ARHGAP35: variants seen among roughly 807,000 people sequenced by gnomAD.
ARHGAP35 encodes the protein rho GTPase-activating protein 35.
Under a neutral mutation model 111.1 loss-of-function variants are expected in ARHGAP35, and 15 were observed. The observed-to-expected ratio is 0.13, with a 90% confidence interval of 0.09 to 0.21. ARHGAP35 has a LOEUF of 0.21. ARHGAP35 is among the 10% of genes least tolerant of loss of function. ARHGAP35 has a pLI of 1.00. For missense variants in ARHGAP35, 1,262 were observed against 1,873.0 expected, an observed-to-expected ratio of 0.67 and a Z score of 6.02; for synonymous variants, 643 against 710.3, an observed-to-expected ratio of 0.91 and a Z score of 1.51.
At chr19:46,973,797 C>T (rs2056565322) in intron 3 of ARHGAP35, among the ~76,000 whole-genome samples, 1 of 151,978 alleles carries the variant, frequency 6.6e-6, no homozygotes, top group Non-Finnish European at 1.5e-5. Context: ...ACCAGCCTGG[C>T]CAATATGGTG....
intron 1 of ARHGAP35, among the ~76,000 whole-genome samples, chr19:46,893,886 CTT>C (rs75930765): frequency 8.2e-5 from 10 of 122,358 alleles, no homozygotes; most frequent in African/African-American, 9.1e-5. Context: ...CGTTCTTTCT[CTT>C]TTTTTTTTTT....
chr19:46,903,558 A>C (rs954693238), intron 1 of ARHGAP35, among the ~76,000 whole-genome samples: 1 of 152,194 alleles, frequency 6.6e-6, no homozygotes, highest in Non-Finnish European at 1.5e-5. Context: ...TGGTATTCTG[A>C]ATAGCAGCCA....
chr19:46,985,895 C>T (rs1026400904), intron 3 of ARHGAP35, among the ~76,000 whole-genome samples: 1 of 66 alleles, frequency 0.015, no homozygotes, highest in Non-Finnish European at 0.031. Flanking sequence ...AGTCTGGGAC[C>T]CCCAGAAAAC....
At chr19:46,982,386 A>G (rs2122323676) in intron 3 of ARHGAP35, among the ~76,000 whole-genome samples, 1 of 152,046 alleles carries the variant, frequency 6.6e-6, no homozygotes, top group South Asian at 2.1e-4. Flanking sequence ...CTGAGCCATG[A>G]GAATCGCTTG....
At chr19:46,929,559 A>G (rs1026479025) in intron 2 of ARHGAP35, among the ~76,000 whole-genome samples, 1 of 147,430 alleles carries the variant, frequency 6.8e-6, no homozygotes, top group African/African-American at 2.5e-5. Flanking sequence ...CATGTTCCAG[A>G]CTACATTCCG....
chr19:46,886,581 A>G (rs1028177860), intron 1 of ARHGAP35, among the ~76,000 whole-genome samples: 1 of 152,164 alleles, frequency 6.6e-6, no homozygotes, highest in Non-Finnish European at 1.5e-5. Context: ...AGTTTTTATT[A>G]TCATTACAGT....
At position 46,957,686 on chromosome 19, in the gene ARHGAP35, T is replaced by C. The variant is rs147277525; in HGVS notation, c.3826+20278T>C. Among the ~76,000 whole-genome samples, 184 of 152,328 alleles carry C rather than the reference T, an allele frequency of 1.2e-3. 1 individual carries two copies. Among genetic ancestry groups the C allele is most frequent in the Middle Eastern group, 3.4e-3 (1 of 292 alleles). On this transcript the variant is annotated intron_variant, in intron 3 of 6. Coordinates refer to ENST00000672722, the MANE Select transcript of ARHGAP35 (RefSeq NM_004491.5). Reference sequence around the variant, plus strand: ...TTCCTCTAAATAGGATGAATAAATTTGTGAGATTGGGCACAGTAACTATTT... The same window carrying C: ...TTCCTCTAAATAGGATGAATAAATTCGTGAGATTGGGCACAGTAACTATTT...
rs996228483 is a variant in ARHGAP35, at chr19:46,918,975, T to A, written c.300T>A (p.Ile100=). 7 of 1,613,864 alleles carry A rather than the reference T, an allele frequency of 4.3e-6. No homozygotes were observed. Among genetic ancestry groups the A allele is most frequent in the Non-Finnish European group, 5.9e-6 (7 of 1,179,892 alleles). The part of the protein sequence containing the change: ...KMHIVEQTEF[I]DDQTFQPHRS... Reference sequence around the variant, plus strand: ...ACATTGTGGAGCAGACTGAATTTATTGATGATCAGACTTTTCAACCTCATC... The same window carrying A: ...ACATTGTGGAGCAGACTGAATTTATAGATGATCAGACTTTTCAACCTCATC... The change falls in exon 2 of 7, where the codon ATT becomes ATA. Residue 100 remains isoleucine (I), a synonymous_variant. Transcript: ENST00000672722. The surrounding 1 kb of genome is among the most constrained non-coding windows in gnomAD (Gnocchi z 5.4).
intron 1 of ARHGAP35, among the ~76,000 whole-genome samples, chr19:46,874,766 G>A (rs2055907846): frequency 6.9e-6 from 1 of 144,244 alleles, no homozygotes; most frequent in African/African-American, 2.6e-5. Flanking sequence ...GCCTCCCAAA[G>A]CGCTAGGATA....
intron 3 of ARHGAP35, among the ~76,000 whole-genome samples, chr19:46,955,431 A>G (rs1191226050): frequency 6.6e-6 from 1 of 152,208 alleles, no homozygotes; most frequent in African/African-American, 2.4e-5. Context: ...ACAGAGCCTG[A>G]GAGGAGTCGC....
At chr19:46,891,986 C>G (rs543944707) in intron 1 of ARHGAP35, among the ~76,000 whole-genome samples, 1 of 148,060 alleles carries the variant, frequency 6.8e-6, no homozygotes, top group South Asian at 2.2e-4. Context: ...ACCGAAAATA[C>G]AAAAATTAGC....
rs1440094286 is a variant in ARHGAP35 at position 47,000,930 on chromosome 19, C to T, written c.*242C>T. On this transcript the variant is annotated 3_prime_UTR_variant, in exon 7 of 7. Transcript: ENST00000672722. The surrounding 1 kb of genome is among the most constrained non-coding windows in gnomAD (Gnocchi z 6.9). ...CCATTTGAGGACTGAACTAGGCAGG[C>T]AATGGCTCCAGTGCCCTCCCTCTGT... 6 of 1,527,580 alleles carry T rather than the reference C, an allele frequency of 3.9e-6. No homozygotes were observed. The South Asian group carries it at 7.2e-5, about 18-fold the overall frequency. The allele number at this position is 1,527,580 out of a possible 1,614,324, so 94.6% of individuals were successfully genotyped here. A position where few individuals can be genotyped will look rare whatever the true frequency, so the allele number is the denominator to read the frequency against.
At chr19:46,933,180 A>G (rs1215232609) in intron 2 of ARHGAP35, among the ~76,000 whole-genome samples, 2 of 118,108 alleles carry the variant, frequency 1.7e-5, no homozygotes, top group Admixed American at 1.2e-4. Context: ...GTCTCCTGCT[A>G]TCACCCAGGC....
At chr19:46,979,776 G>GGCCA (rs2056610726) in intron 3 of ARHGAP35, among the ~76,000 whole-genome samples, 1 of 152,178 alleles carries the variant, frequency 6.6e-6, no homozygotes, top group African/African-American at 2.4e-5. Context: ...TCGTAATAGA[G>GGCCA]TGTTAGTGGC....
At chr19:46,898,118 T>C (rs2056066331) in intron 1 of ARHGAP35, among the ~76,000 whole-genome samples, 1 of 152,036 alleles carries the variant, frequency 6.6e-6, no homozygotes, top group South Asian at 2.1e-4. Flanking sequence ...GGCGCATGCC[T>C]GTAATCCCAG....
intron 1 of ARHGAP35, among the ~76,000 whole-genome samples, chr19:46,888,948 C>G (rs1048340757): frequency 1.3e-5 from 2 of 151,002 alleles, no homozygotes; most frequent in African/African-American, 4.9e-5. Context: ...TGCAGTGAGC[C>G]AAGATCACGC....
chr19:47,000,591 C>A lies in ARHGAP35; in HGVS notation c.4403C>A (p.Thr1468Lys), dbSNP rs767882608. The change falls in exon 7 of 7, where the codon ACA becomes AAA. Residue 1468 changes from threonine (T) to lysine (K), a missense_variant. Around this residue, in one of 8 missense-constraint regions of ARHGAP35, gnomAD observed 75 missense variants for 87.0 expected, o/e 0.86. Transcript: ENST00000672722. This position sits in a 1 kb window ranked among gnomAD's most constrained non-coding sequence, Gnocchi z 6.9. ...TVPFLTSTPVTSQPSPPQSPP... is the reference protein window; with the variant it reads ...TVPFLTSTPVKSQPSPPQSPP... ...CCCTTCCTCACTTCCACGCCTGTCA[C>A]AAGTCAGCCGTCGCCCCCACAGTCG... 6.2e-7 allele frequency: 1 copy of A among 1,613,568 alleles called. No individual in the cohort carries two copies. Among genetic ancestry groups the A allele is most frequent in the Non-Finnish European group, 8.5e-7 (1 of 1,179,842 alleles).
chr19:46,984,762 A>C (rs559761984), intron 3 of ARHGAP35, among the ~76,000 whole-genome samples: 3 of 152,304 alleles, frequency 2.0e-5, no homozygotes, highest in African/African-American at 7.2e-5. Context: ...CATTTGTGTG[A>C]CGATCCATCT....
rs1171077954 is a variant in ARHGAP35, at chr19:47,000,161, T to G, written c.4143-170T>G. Among the ~76,000 whole-genome samples, 1 of 152,128 alleles carries G rather than the reference T, an allele frequency of 6.6e-6. No homozygotes were observed. The highest frequency in any genetic ancestry group is 2.4e-5 in the African/African-American group (1 of 41,442). ...CACTGGGCTGGAGGGGAGAGGACAC[T>G]GAGGGCGCAGCCTCCCAGGCAGGGC... On this transcript the variant is annotated intron_variant, in intron 6 of 6. Transcript: ENST00000672722. This position sits in a 1 kb window ranked among gnomAD's most constrained non-coding sequence, Gnocchi z 6.9.
Sources: gnomAD v4.1 joint callset for allele counts (sites outside exome capture counted in the v4.1 genomes callset) on GRCh38, gnomAD v4.1.1 for gene constraint, gnomAD v4.1.1 regional missense constraint, Gnocchi (gnomAD v3.1) non-coding constraint, MANE v1.5 for transcripts, NCBI Gene and HGNC (gene_info 2026-07-23, HGNC 2026-07-21) for gene names.